Variants in MZT2A observed in about 807,000 individuals in gnomAD.
MZT2A encodes mitotic spindle organizing protein 2A, also known as mitotic-spindle organizing protein 2A.
In MZT2A, 8 loss-of-function variants were observed where a neutral mutation model predicts 12.4. The ratio of observed to expected loss-of-function variants is 0.64; its 90% CI spans 0.38 to 1.16. The LOEUF (loss-of-function observed/expected upper bound fraction) is 1.16. MZT2A is among the 50% of genes most tolerant of loss of function. MZT2A has a pLI of 0.01. For missense variants in MZT2A, 181 were observed against 223.6 expected, an observed-to-expected ratio of 0.81 and a Z score of 1.22; for synonymous variants, 88 against 107.5, an observed-to-expected ratio of 0.82 and a Z score of 1.12.
At chr2:131,476,415 C>T (rs911339532) in intron 2 of MZT2A, among the ~76,000 whole-genome samples, 4 of 152,162 alleles carry the variant, frequency 2.6e-5, no homozygotes, top group African/African-American at 9.7e-5. Context: ...AGCTGCCGGC[C>T]TTTAGTGAAC....
At chr2:131,488,009 C>A (rs1308442828) in intron 2 of MZT2A, among the ~76,000 whole-genome samples, 1 of 152,190 alleles carries the variant, frequency 6.6e-6, no homozygotes, top group African/African-American at 2.4e-5. Context: ...TCAAGAGATC[C>A]AGCAGCCTCG....
At position 131,484,181 on chromosome 2, in the gene MZT2A, C is replaced by A. The variant is rs568374941; in HGVS notation, c.357G>T (p.Leu119Phe). The change falls in exon 3 of 3, where the codon TTG becomes TTT. Residue 119 changes from leucine (L) to phenylalanine (F), a missense_variant. By Grantham distance (22) the Leu-to-Phe change is conservative (BLOSUM62 0). This residue lies in a region of MZT2A where 72 missense variants were observed against 76.9 expected (regional missense o/e 0.94). Coordinates refer to ENST00000309451, the MANE Select transcript of MZT2A (RefSeq NM_001085365.2). ...CGTGGTTGCTGCGTTCCGCCAGGGC[C>A]AATACTCCCCCGAGGGCAGCGCTGC... is the stretch of plus-strand genomic sequence containing the variant. ...DKGSAALGGVLALAERSNHEG... is the reference protein window; with the variant it reads ...DKGSAALGGVFALAERSNHEG... 1 of 1,614,104 alleles carries A rather than the reference C, an allele frequency of 6.2e-7. No homozygotes were observed.
chr2:131,472,103 G>A (rs1204784100), exon 3 of MZT2A: 53 of 1,290,470 alleles, frequency 4.1e-5, no homozygotes, highest in Admixed American at 6.9e-5. Context: ...CACACCATGC[G>A]GTGCTGCTTC....
chr2:131,476,103 G>A (rs7561542), intron 2 of MZT2A: 157,718 of 1,577,592 alleles, frequency 0.1, 12,587 homozygotes, highest in African/African-American at 0.42. Flanking sequence ...AATCCCGTGC[G>A]GCGCGCACAG....
rs1229461335 is a variant in MZT2A at position 131,477,037 on chromosome 2, C to CT, written c.279-4856dup. On this transcript the variant is annotated intron_variant and NMD_transcript_variant, in intron 2 of 4. Coordinates refer to the MZT2A transcript ENST00000427024. ...TCCTTTTTTTCCTTTCTTTTTCTTTCTTTTTTTTTTTTGAGACAGCACTCA... is the reference window on the plus strand; with the variant it reads ...TCCTTTTTTTCCTTTCTTTTTCTTTCTTTTTTTTTTTTTGAGACAGCACTCA... Among the ~76,000 whole-genome samples the CT allele has an allele frequency of 1.1e-3, 116 of 108,626 alleles. 2 individuals are homozygous for CT. Among genetic ancestry groups the CT allele is most frequent in the Middle Eastern group, 4.3e-3 (1 of 234 alleles). 71.3% of individuals were successfully genotyped at this position (108,626 alleles called of 152,430 possible). A position where few individuals can be genotyped will look rare whatever the true frequency, so the allele number is the denominator to read the frequency against.
At chr2:131,493,011 A>G (rs1280139140), upstream of MZT2A, 2 of 1,494,578 alleles carry the variant, frequency 1.3e-6, no homozygotes, top group Non-Finnish European at 1.8e-6. Flanking sequence ...TAACGGCCCA[A>G]AGAGGTAGAA....
chr2:131,492,409 CG>C (rs1327727969), upstream of MZT2A: 14 of 1,226,062 alleles, frequency 1.1e-5, no homozygotes, highest in South Asian at 3.7e-5. Flanking sequence ...CGCCCCGCCC[CG>C]CCGCGCCCCC....
intron 3 of MZT2A, among the ~76,000 whole-genome samples, chr2:131,470,697 A>C (rs71428583): frequency 0.099 from 10,447 of 105,330 alleles, 1,173 homozygotes; most frequent in African/African-American, 0.34. Context: ...GGCACTCAAT[A>C]TAGTTACTTA....
chr2:131,485,570 G>T (rs1389157782), intron 2 of MZT2A, among the ~76,000 whole-genome samples: 2 of 152,090 alleles, frequency 1.3e-5, no homozygotes, highest in Non-Finnish European at 2.9e-5. Flanking sequence ...GACCACCCTG[G>T]CATTAAGTGT....
At chr2:131,474,442 C>G (rs1678586293) in intron 2 of MZT2A, among the ~76,000 whole-genome samples, 1 of 126,510 alleles carries the variant, frequency 7.9e-6, no homozygotes, top group African/African-American at 2.9e-5. Context: ...TGGAGTTTCA[C>G]TCTATTGCCC....
intron 2 of MZT2A, chr2:131,476,008 A>G: frequency 2.9e-6 from 3 of 1,038,156 alleles, no homozygotes; most frequent in Non-Finnish European, 4.2e-6. Context: ...ACACATGTTG[A>G]GCAATGGCCA....
chr2:131,472,185 G>C (rs1197209801), intron 2 of MZT2A: 1 of 1,285,614 alleles, frequency 7.8e-7, no homozygotes, highest in South Asian at 1.2e-5. Context: ...ACTCAAGCCT[G>C]TTTGAATATG....
chr2:131,476,232 A>G (rs1454744648), intron 2 of MZT2A: 1 of 1,613,858 alleles, frequency 6.2e-7, no homozygotes, highest in Non-Finnish European at 8.5e-7. Flanking sequence ...CGCCCCGCAG[A>G]TGCCCAGGCA....
intron 2 of MZT2A, among the ~76,000 whole-genome samples, chr2:131,488,860 C>T (rs1679165534): frequency 6.6e-6 from 1 of 152,136 alleles, no homozygotes; most frequent in Non-Finnish European, 1.5e-5. Flanking sequence ...CCCTGAGGGG[C>T]CCAGCACTCC....
At chr2:131,486,222 T>C (rs1368872442) in intron 2 of MZT2A, among the ~76,000 whole-genome samples, 8 of 151,882 alleles carry the variant, frequency 5.3e-5, no homozygotes, top group Admixed American at 6.6e-5. Flanking sequence ...CCACCACGCA[T>C]CTCTTGTGGT....
intron 2 of MZT2A, among the ~76,000 whole-genome samples, 188 bp from the exon 3 acceptor site, chr2:131,484,406 C>A (rs1452650171): frequency 1.3e-5 from 2 of 152,248 alleles, no homozygotes; most frequent in Admixed American, 1.3e-4. Flanking sequence ...GCCCCAGAAG[C>A]CCTTGGCAGT....
chr2:131,483,696 C>G (rs569574810), downstream of MZT2A, among the ~76,000 whole-genome samples: 10 of 151,906 alleles, frequency 6.6e-5, no homozygotes, highest in Middle Eastern at 3.4e-3. Flanking sequence ...GCTTGGGTAA[C>G]AGAGCAAGAC....
At chr2:131,473,279 TC>T (rs1678519524) in intron 2 of MZT2A, among the ~76,000 whole-genome samples, 1 of 152,050 alleles carries the variant, frequency 6.6e-6, no homozygotes, top group South Asian at 2.1e-4. Flanking sequence ...CCTCTGATTT[TC>T]CCGGCTGTCT....
At chr2:131,490,080 C>T in intron 2 of MZT2A, 1 of 833,086 alleles carries the variant, frequency 1.2e-6, no homozygotes, top group Non-Finnish European at 1.4e-6. Context: ...CTCTCTTGGG[C>T]CTGAGCTCTG....
Sources: gnomAD v4.1 joint callset for allele counts (sites outside exome capture counted in the v4.1 genomes callset) on GRCh38, gnomAD v4.1.1 for gene constraint, gnomAD v4.1.1 regional missense constraint, MANE v1.5 for transcripts, NCBI Gene and HGNC (gene_info 2026-07-23, HGNC 2026-07-21) for gene names.